The following USP31 variants were observed in gnomAD, a reference collection of about 807,000 sequenced individuals.
USP31 encodes the protein ubiquitin carboxyl-terminal hydrolase 31.
A neutral mutation model predicts 119.4 loss-of-function variants in USP31; 44 were observed. The ratio of observed to expected loss-of-function variants is 0.37; its 90% CI spans 0.29 to 0.47. USP31 has a LOEUF of 0.47. Ranked by LOEUF, USP31 falls within the 20% of genes least tolerant of loss-of-function variation. USP31 has a pLI of 0.99. For missense variants in USP31, 1,643 were observed against 1,730.2 expected (o/e 0.95, Z 0.89); for synonymous variants, 749 against 705.6 (o/e 1.06, Z -0.97).
intron 2 of USP31, among the ~76,000 whole-genome samples, chr16:23,106,758 C>A (rs1243869653): frequency 6.6e-6 from 1 of 152,080 alleles, no homozygotes; most frequent in Non-Finnish European, 1.5e-5. Context: ...TCCAGTTCCC[C>A]TCCAATTCTC....
chr16:23,096,522 A>C (rs1263265366), intron 6 of USP31, among the ~76,000 whole-genome samples: 1 of 152,246 alleles, frequency 6.6e-6, no homozygotes, highest in Non-Finnish European at 1.5e-5. Flanking sequence ...TCTCCACCCC[A>C]AATCAACAGA....
At position 23,068,058 on chromosome 16, in the gene USP31, T is replaced by C. The variant is rs746352903; in HGVS notation, c.4047A>G (p.Gln1349=). Residue 1349 remains glutamine, a synonymous_variant, in exon 16 of 16, where the codon CAA becomes CAG. Coordinates refer to ENST00000219689, the MANE Select transcript of USP31 (RefSeq NM_020718.4). ...GATTGCAGAAATATCACTGAGGTTTTTGAGAAGGCCGTGCAGAGGTTTGCA... is the reference window on the plus strand; with the variant it reads ...GATTGCAGAAATATCACTGAGGTTTCTGAGAAGGCCGTGCAGAGGTTTGCA... ...SSMQTSARPS[Q]KPQ The C allele has an allele frequency of 5.0e-6, 8 of 1,608,644 alleles. No homozygotes were observed. The East Asian group carries it at 6.7e-5, about 13-fold the overall frequency.
At chr16:23,095,319 C>A (rs1241748080) in intron 6 of USP31, among the ~76,000 whole-genome samples, 1 of 152,132 alleles carries the variant, frequency 6.6e-6, no homozygotes, top group Non-Finnish European at 1.5e-5. Flanking sequence ...AAGAAATGAA[C>A]AAAGCTTCCA....
intron 13 of USP31, chr16:23,078,987 T>G (rs908112579): frequency 6.6e-6 from 1 of 152,234 alleles, no homozygotes; most frequent in Non-Finnish European, 1.5e-5. Flanking sequence ...TATTGAATGA[T>G]TCCATTTAAA....
In USP31 at chr16:23,069,502, G is replaced by A. The variant is rs180761548; in HGVS notation, c.2603C>T (p.Ser868Phe). 2 of 1,614,206 alleles carry A rather than the reference G, an allele frequency of 1.2e-6. No homozygotes were observed. Among genetic ancestry groups the A allele is most frequent in the Admixed American group, 3.3e-5 (2 of 60,024 alleles). ...VNENCMRPSW[S>F]LSAKLQMRSN... ...GCGCATCTGCAGCTTAGCAGACAGG[G>A]ACCATGAAGGTCTCATGCAATTTTC... The change falls in exon 16 of 16, where the codon TCC becomes TTC. Residue 868 changes from serine to phenylalanine, a missense_variant. This residue lies in a region of USP31 where 699 missense variants were observed against 650.9 expected (regional missense o/e 1.07). Coordinates refer to ENST00000219689, the MANE Select transcript of USP31 (RefSeq NM_020718.4).
chr16:23,144,825 T>C (rs1903459295), intron 1 of USP31, among the ~76,000 whole-genome samples: 1 of 152,144 alleles, frequency 6.6e-6, no homozygotes, highest in Non-Finnish European at 1.5e-5. Context: ...ACCCATCAAA[T>C]TTAGCTAAAA....
chr16:23,117,572 C>A (rs889621316), intron 1 of USP31, among the ~76,000 whole-genome samples: 7 of 152,092 alleles, frequency 4.6e-5, no homozygotes, highest in Admixed American at 3.9e-4. Flanking sequence ...TTCAGCCAGA[C>A]AAACAAGGAG....
chr16:23,073,758 C>T lies in USP31; in HGVS notation c.2299G>A (p.Ala767Thr). 6.2e-7 allele frequency: 1 copy of T among 1,613,314 alleles called. No individual in the cohort carries two copies. Among genetic ancestry groups the T allele is most frequent in the Non-Finnish European group, 8.5e-7 (1 of 1,179,946 alleles). ...CTGTTGGCTGACCATGACGGGATGG[C>T]TGTCCGCCTCTGGTAGAAGAGGATG... Reference protein sequence around the residue: ...AYILFYQRRTAIPSWSANSSV... With the variant: ...AYILFYQRRTTIPSWSANSSV... Residue 767 changes from alanine (A) to threonine (T), a missense_variant, in exon 14 of 16, where the codon GCC becomes ACC. By Grantham distance (58) the Ala-to-Thr change is moderately conservative. Around this residue, in one of 5 missense-constraint regions of USP31, gnomAD observed 279 missense variants for 372.2 expected, o/e 0.75. Transcript: ENST00000219689.
intron 13 of USP31, among the ~76,000 whole-genome samples, chr16:23,075,542 AC>A (rs1460697675): frequency 6.6e-6 from 1 of 152,216 alleles, no homozygotes; most frequent in African/African-American, 2.4e-5. Context: ...ACGAGCCCAC[AC>A]GAGAGAAGCA....
intron 1 of USP31, among the ~76,000 whole-genome samples, chr16:23,147,847 G>A (rs1903567968): frequency 6.6e-6 from 1 of 152,188 alleles, no homozygotes; most frequent in Non-Finnish European, 1.5e-5. Flanking sequence ...TGGAAGGTGA[G>A]GCGGGAGGAT....
At chr16:23,091,559 C>G (rs983283646) in intron 6 of USP31, among the ~76,000 whole-genome samples, 1 of 152,152 alleles carries the variant, frequency 6.6e-6, no homozygotes, top group African/African-American at 2.4e-5. Flanking sequence ...AATAATAATA[C>G]CACCAGAAAG....
chr16:23,080,438 G>A (rs747326247), intron 12 of USP31, among the ~76,000 whole-genome samples: 1 of 151,960 alleles, frequency 6.6e-6, no homozygotes, highest in African/African-American at 2.4e-5. Context: ...TCTGTTAAAG[G>A]GCTTTAAAGC....
chr16:23,093,344 AG>A (rs1237295875), intron 6 of USP31, among the ~76,000 whole-genome samples: 1 of 152,218 alleles, frequency 6.6e-6, no homozygotes, highest in African/African-American at 2.4e-5. Context: ...CTCAACAAAA[AG>A]ATAATGCAAT....
rs557750721 is a variant in USP31 at position 23,097,590 on chromosome 16, AC to A, written c.1234+4728del. Among the ~76,000 whole-genome samples, 1,348 of 152,332 alleles carry A rather than the reference AC, an allele frequency of 8.8e-3. 12 individuals carry two copies. The highest frequency in any genetic ancestry group is 0.016 in the South Asian group (76 of 4,828). On this transcript the variant is annotated intron_variant, in intron 6 of 15. Transcript: ENST00000219689. ...AAAATCCTCAATAAAATACTGGCAA[AC>A]CAAATCCAGCAGCACATCAAAAAGC...
chr16:23,143,273 T>G (rs1423258891), intron 1 of USP31, among the ~76,000 whole-genome samples: 7 of 152,228 alleles, frequency 4.6e-5, no homozygotes, highest in Non-Finnish European at 4.4e-5. Flanking sequence ...ATTTAAAAAC[T>G]GCTGCCATAA....
At chr16:23,090,477 G>A (rs2038135448) in intron 7 of USP31, 147 bp downstream of exon 7, 2 of 811,306 alleles carry the variant, frequency 2.5e-6, no homozygotes, top group South Asian at 3.3e-5. Flanking sequence ...CCCAAATCAG[G>A]TCAACTTGTA....
chr16:23,139,329 G>C (rs1319724447), intron 1 of USP31, among the ~76,000 whole-genome samples: 1 of 152,158 alleles, frequency 6.6e-6, no homozygotes, highest in Non-Finnish European at 1.5e-5. Flanking sequence ...TTGAACCTAG[G>C]AGGCAGAGAT....
intron 1 of USP31, among the ~76,000 whole-genome samples, chr16:23,146,809 C>G (rs1023788803): frequency 9.9e-5 from 15 of 152,178 alleles, no homozygotes; most frequent in Middle Eastern, 3.4e-3. Context: ...TCTCCTTTTA[C>G]TTAAATGTTG....
chr16:23,080,151 T>C lies in USP31; in HGVS notation c.1971A>G (p.Lys657=), dbSNP rs769402248. ...AGGGGAATTTGACCATGTTCTGAAGTTTCATGCGCCTGTCTCCTTCCTGTT... is the reference window on the plus strand; with the variant it reads ...AGGGGAATTTGACCATGTTCTGAAGCTTCATGCGCCTGTCTCCTTCCTGTT... ...RFRQEGDRRM[K]LQNMVKFPLT... is the part of the protein sequence containing the mutation. The change falls in exon 13 of 16, where the codon AAA becomes AAG. Residue 657 remains lysine (K), a synonymous_variant. Transcript: ENST00000219689. 3 of 1,560,622 alleles carry C rather than the reference T, an allele frequency of 1.9e-6. No individual in the cohort carries two copies. In the Admixed American group the frequency reaches 5.9e-5, roughly 31 times the overall value.
Sources: gnomAD v4.1 joint callset for allele counts (sites outside exome capture counted in the v4.1 genomes callset) on GRCh38, gnomAD v4.1.1 for gene constraint, gnomAD v4.1.1 regional missense constraint, MANE v1.5 for transcripts, NCBI Gene and HGNC (gene_info 2026-07-23, HGNC 2026-07-21) for gene names.